The following ZNF469 variants were observed in gnomAD, a reference collection of about 807,000 sequenced individuals.
ZNF469 encodes zinc finger protein 469.
ZNF469 carries 1 observed loss-of-function variant against 1.0 expected under a neutral mutation model. The ratio of observed to expected loss-of-function variants is 1.00; its 90% CI spans 0.35 to 4.73. The LOEUF (loss-of-function observed/expected upper bound fraction) is 4.73. ZNF469 is among the 30% of genes most tolerant of loss of function. The probability of loss-of-function intolerance (pLI) is 0.16; values close to 1 mark genes in which losing one functional copy is unlikely to be tolerated. For missense variants in ZNF469, 6,100 were observed against 5,356.3 expected, an observed-to-expected ratio of 1.14 and a Z score of -4.33; for synonymous variants, 2,703 against 2,363.4, an observed-to-expected ratio of 1.14 and a Z score of -4.17.
chr16:88,112,926 C>T, the ZNF469 span, among the ~76,000 whole-genome samples: 8 of 152,078 alleles, frequency 5.3e-5, no homozygotes, highest in East Asian at 9.7e-4. Flanking sequence ...TACAGGTGCC[C>T]GCCACCACGC....
intron 1 of ZNF469, among the ~76,000 whole-genome samples, chr16:88,417,251 C>G (rs79588889): frequency 0.019 from 2,851 of 152,082 alleles, 92 homozygotes; most frequent in African/African-American, 0.065. Flanking sequence ...CAGGCCCACA[C>G]CCTTTCTGAG....
At chr16:88,357,062 C>A in the ZNF469 span, among the ~76,000 whole-genome samples, 15 of 152,246 alleles carry the variant, frequency 9.9e-5, no homozygotes, top group African/African-American at 3.6e-4. Flanking sequence ...CCCCTCCCAG[C>A]CCTTGGTGGT....
the ZNF469 span, among the ~76,000 whole-genome samples, chr16:88,139,351 C>T: frequency 5.2e-4 from 51 of 98,918 alleles, no homozygotes; most frequent in Admixed American, 9.3e-4. Context: ...GGGGATGTGA[C>T]GAGGAAAATT....
the ZNF469 span, among the ~76,000 whole-genome samples, chr16:88,369,269 G>A: frequency 1.3e-5 from 2 of 152,146 alleles, no homozygotes; most frequent in Non-Finnish European, 2.9e-5. Context: ...TAGGCAGGAC[G>A]CCCAGCACAT....
At chr16:88,363,334 C>T in the ZNF469 span, among the ~76,000 whole-genome samples, 2 of 152,176 alleles carry the variant, frequency 1.3e-5, no homozygotes, top group South Asian at 4.1e-4. Context: ...TATTTTAGAA[C>T]CTTTAGATTC....
the ZNF469 span, among the ~76,000 whole-genome samples, chr16:88,107,344 A>C: frequency 6.6e-6 from 1 of 152,242 alleles, no homozygotes; most frequent in African/African-American, 2.4e-5. Context: ...AGAAGAAGCA[A>C]GAACCTTCTT....
At chr16:88,393,696 G>A (rs1415969008) in intron 1 of ZNF469, among the ~76,000 whole-genome samples, 2 of 152,234 alleles carry the variant, frequency 1.3e-5, no homozygotes, top group Non-Finnish European at 2.9e-5. Context: ...TTTCCCACCT[G>A]TTCCCTGGTA....
chr16:88,168,807 T>A, the ZNF469 span, among the ~76,000 whole-genome samples: 1 of 152,128 alleles, frequency 6.6e-6, no homozygotes, highest in African/African-American at 2.4e-5. The surrounding 1 kb of genome is among the most constrained non-coding windows in gnomAD (Gnocchi z 4.3). Context: ...AAAATAAGAC[T>A]CTGAGGCTGG....
At position 88,439,510 on chromosome 16, in the gene ZNF469, GC is replaced by G; in HGVS notation, c.*179del. 1 of 708,120 alleles carries G rather than the reference GC, an allele frequency of 1.4e-6. No homozygotes were observed. The highest frequency in any genetic ancestry group is 2.3e-6 in the Non-Finnish European group (1 of 427,998). The allele number at this position is 708,120 out of a possible 1,614,324, so 43.9% of individuals were successfully genotyped here. A position where few individuals can be genotyped will look rare whatever the true frequency, so the allele number is the denominator to read the frequency against. ...GCTTTGAACAGGGCCCAGGTGGGCAGCATTCCCTTTCTTGCTGGAAGGCTGG... is the reference window on the plus strand; with the variant it reads ...GCTTTGAACAGGGCCCAGGTGGGCAGATTCCCTTTCTTGCTGGAAGGCTGG... On this transcript the variant is annotated 3_prime_UTR_variant, in exon 3 of 3. Coordinates refer to ENST00000565624, the MANE Select transcript of ZNF469 (RefSeq NM_001367624.2).
chr16:88,320,682 C>T, the ZNF469 span, among the ~76,000 whole-genome samples: 2 of 152,192 alleles, frequency 1.3e-5, no homozygotes, highest in African/African-American at 2.4e-5. Flanking sequence ...CCATGCCCAG[C>T]CTGACCATGA....
At chr16:88,184,863 C>G in the ZNF469 span, among the ~76,000 whole-genome samples, 1 of 152,206 alleles carries the variant, frequency 6.6e-6, no homozygotes, top group Admixed American at 6.5e-5. Context: ...GGGACACGTG[C>G]GTGCACAGAC....
chr16:88,193,196 TGATGGTGGTGGG>T, the ZNF469 span, among the ~76,000 whole-genome samples: 40 of 40,590 alleles, frequency 9.9e-4, no homozygotes, highest in Non-Finnish European at 1.6e-3. Context: ...GTGGTGGTGG[TGATGGTGGTGGG>T]GATGGTGGTG....
chr16:88,394,803 C>A (rs772138102), intron 1 of ZNF469, among the ~76,000 whole-genome samples: 1 of 152,222 alleles, frequency 6.6e-6, no homozygotes, highest in Non-Finnish European at 1.5e-5. Context: ...CCCCTGGACA[C>A]GTCGGAGCCC....
chr16:88,305,286 A>G, the ZNF469 span, among the ~76,000 whole-genome samples: 2 of 143,402 alleles, frequency 1.4e-5, no homozygotes, highest in East Asian at 2.1e-4. Flanking sequence ...GCTCTCAGGC[A>G]CACACACACG....
chr16:88,319,296 G>A, the ZNF469 span, among the ~76,000 whole-genome samples: 1 of 152,152 alleles, frequency 6.6e-6, no homozygotes, highest in Non-Finnish European at 1.5e-5. Context: ...CCTCACCAGT[G>A]TCGCCTAAAC....
chr16:88,164,493 A>G, the ZNF469 span, among the ~76,000 whole-genome samples: 1 of 152,068 alleles, frequency 6.6e-6, no homozygotes, highest in African/African-American at 2.4e-5. Flanking sequence ...GAATGAGTAG[A>G]TGGATGTTTG....
chr16:88,161,118 G>A, the ZNF469 span, among the ~76,000 whole-genome samples: 9 of 150,172 alleles, frequency 6.0e-5, no homozygotes, highest in South Asian at 4.2e-4. Flanking sequence ...CCGAGATCGC[G>A]CCATTGCACT....
At chr16:88,222,076 A>G in the ZNF469 span, among the ~76,000 whole-genome samples, 4 of 152,066 alleles carry the variant, frequency 2.6e-5, no homozygotes, top group Non-Finnish European at 4.4e-5. Flanking sequence ...CTGAGCTGAG[A>G]TCCACAGTAA....
chr16:88,233,234 C>G, the ZNF469 span, among the ~76,000 whole-genome samples: 1 of 152,220 alleles, frequency 6.6e-6, no homozygotes, highest in Non-Finnish European at 1.5e-5. Flanking sequence ...GCCAGAGAGC[C>G]GTCCCCGCCA....
Sources: allele counts gnomAD v4.1 joint callset (sites outside exome capture counted in the v4.1 genomes callset), GRCh38; gene constraint gnomAD v4.1.1; non-coding constraint Gnocchi (gnomAD v3.1); transcripts MANE v1.5; gene names NCBI Gene and HGNC (gene_info 2026-07-23, HGNC 2026-07-21).